DSCC1: variants seen among roughly 807,000 people sequenced by gnomAD.
The protein encoded by DSCC1 is sister chromatid cohesion protein DCC1.
A neutral mutation model predicts 48.2 loss-of-function variants in DSCC1; 32 were observed. The observed-to-expected ratio is 0.66, with a 90% CI of 0.50 to 0.89. The LOEUF (loss-of-function observed/expected upper bound fraction) is 0.89, where lower values mean the gene tolerates loss of function less well. Ranked by LOEUF, DSCC1 falls within the 40% of genes least tolerant of loss-of-function variation. DSCC1 has a pLI of 0.00. For synonymous variants in DSCC1, 150 were observed against 171.5 expected, an observed-to-expected ratio of 0.87 and a Z score of 0.98; for missense variants, 421 against 471.7, an observed-to-expected ratio of 0.89 and a Z score of 1.00.
chr8:119,840,989 A>T (rs138832260), intron 7 of DSCC1, among the ~76,000 whole-genome samples: 2 of 151,538 alleles, frequency 1.3e-5, no homozygotes, highest in Admixed American at 6.6e-5. Flanking sequence ...TTATTTATTT[A>T]TTATTATTAT....
Position 119,847,035 on chromosome 8 carries a change from C to T in DSCC1, c.532G>A (p.Glu178Lys). 1 of 1,613,692 alleles carries T rather than the reference C, an allele frequency of 6.2e-7. No homozygotes were observed. Among genetic ancestry groups the T allele is most frequent in the Non-Finnish European group, 8.5e-7 (1 of 1,180,002 alleles). ...LLDQIQASEE[E>K]IMTQLQVLNA... ...AGAACTTGTAATTGGGTCATTATTT[C>T]TTCCTCACTTGCCTGAATTTGATCA... is the stretch of plus-strand genomic sequence containing the variant. The change falls in exon 4 of 9, where the codon GAA (glutamate) becomes AAA (lysine). Residue 178 changes from glutamate (E) to lysine (K), a missense_variant. Physicochemically the swap from Glu to Lys is moderately conservative, Grantham distance 56. Transcript: ENST00000313655.
intron 6 of DSCC1, 35 bp from the exon 7 acceptor site, chr8:119,841,983 A>G (rs78342094): frequency 1.3e-6 from 2 of 1,596,638 alleles, no homozygotes; most frequent in Middle Eastern, 1.7e-4. Flanking sequence ...TCATATTATC[A>G]TCTTACAATT....
At chr8:119,847,505 G>C (rs1291568310) in intron 3 of DSCC1, among the ~76,000 whole-genome samples, 3 of 152,152 alleles carry the variant, frequency 2.0e-5, no homozygotes, top group East Asian at 3.9e-4. Flanking sequence ...TGAGGGGACA[G>C]GGGAAATGGG....
At chr8:119,849,261 C>G (rs1826910363) in intron 3 of DSCC1, among the ~76,000 whole-genome samples, 1 of 145,748 alleles carries the variant, frequency 6.9e-6, no homozygotes, top group Non-Finnish European at 1.5e-5. Flanking sequence ...ACAAAATTAG[C>G]TGGGCATGGT....
At chr8:119,852,565 G>A (rs1826955719) in intron 2 of DSCC1, among the ~76,000 whole-genome samples, 1 of 152,118 alleles carries the variant, frequency 6.6e-6, no homozygotes, top group Non-Finnish European at 1.5e-5. Flanking sequence ...GTGTTGCCCA[G>A]GCTAGTCTCA....
intron 2 of DSCC1, among the ~76,000 whole-genome samples, chr8:119,851,489 G>A (rs538610103): frequency 6.6e-6 from 1 of 152,266 alleles, no homozygotes; most frequent in South Asian, 2.1e-4. Context: ...CAGATATTGT[G>A]GTATGCTTTT....
intron 3 of DSCC1, among the ~76,000 whole-genome samples, chr8:119,849,840 G>A (rs6983932): frequency 0.67 from 102,251 of 151,996 alleles, 35,348 homozygotes; most frequent in African/African-American, 0.82. Context: ...GTACAAACAT[G>A]GTCTTCATAT....
chr8:119,853,012 C>T (rs1586584446), intron 2 of DSCC1, 35 bp downstream of exon 2: 4 of 1,491,800 alleles, frequency 2.7e-6, no homozygotes, highest in Non-Finnish European at 3.6e-6. Context: ...TTTTCATTCT[C>T]AGACTTTTAT....
At chr8:119,853,237 A>G (rs1245003907) in intron 1 of DSCC1, 22 bp from the exon 2 acceptor site, 2 of 1,592,248 alleles carry the variant, frequency 1.3e-6, no homozygotes, top group African/African-American at 2.7e-5. Flanking sequence ...TGGGGGAAAA[A>G]TATATAGTTT....
intron 8 of DSCC1, among the ~76,000 whole-genome samples, chr8:119,837,885 C>T (rs1826709583): frequency 2.0e-5 from 3 of 152,132 alleles, no homozygotes; most frequent in Non-Finnish European, 4.4e-5. Flanking sequence ...TTGGGGCTAA[C>T]GTGTTCTACT....
Position 119,853,102 on chromosome 8 carries a change from T to C in DSCC1, c.296A>G (p.Lys99Arg). ...TTCCTTCTTCAACTGGTCCGGAGTT[T>C]TACAACCAGGAATGAAAAGCAACAT... ...SNMLLFIPGC[K>R]TPDQLKKEDS... The change falls in exon 2 of 9, where the codon AAA becomes AGA. Residue 99 changes from lysine (K) to arginine (R), a missense_variant. Lys to Arg is a conservative substitution (Grantham distance 26). Transcript: ENST00000313655. 2 of 1,614,042 alleles carry C rather than the reference T, an allele frequency of 1.2e-6. No homozygotes were observed. Among genetic ancestry groups the C allele is most frequent in the Non-Finnish European group, 1.7e-6 (2 of 1,179,946 alleles).
intron 4 of DSCC1, among the ~76,000 whole-genome samples, chr8:119,845,007 A>AT (rs1225200100): frequency 6.6e-6 from 1 of 152,140 alleles, no homozygotes. Context: ...GCTGGGCTTC[A>AT]TAAAGATCCC....
rs1314199768 is a variant in DSCC1, at chr8:119,834,130, G to A, written c.*763C>T. 2 of 151,982 alleles carry A rather than the reference G, an allele frequency of 1.3e-5. No individual in the cohort carries two copies. The highest frequency in any genetic ancestry group is 2.9e-5 in the Non-Finnish European group (2 of 68,002). The allele number at this position is 151,982 out of a possible 1,614,324, so 9.4% of individuals were successfully genotyped here. A position where few individuals can be genotyped will look rare whatever the true frequency, so the allele number is the denominator to read the frequency against. ...TTTGAAACGTGGACCATTTAACCTC[G>A]GCCTACCCCCTCCAACTGTCCTGGT... On this transcript the variant is annotated 3_prime_UTR_variant, in exon 9 of 9. Coordinates refer to ENST00000313655, the MANE Select transcript of DSCC1 (RefSeq NM_024094.3).
intron 8 of DSCC1, 21 bp downstream of exon 8, chr8:119,838,238 C>A (rs772971491): frequency 2.6e-6 from 4 of 1,521,978 alleles, no homozygotes; most frequent in Non-Finnish European, 3.5e-6. Context: ...CCTCAAAATC[C>A]GTCTTTAATA....
At chr8:119,841,087 G>A (rs961606265) in intron 7 of DSCC1, among the ~76,000 whole-genome samples, 2 of 151,684 alleles carry the variant, frequency 1.3e-5, no homozygotes, top group Admixed American at 6.6e-5. Flanking sequence ...CGCCTCCCAG[G>A]TTCAAGCAAT....
Position 119,846,998 on chromosome 8 carries a change from T to C in DSCC1, c.569A>G (p.Lys190Arg), listed in dbSNP as rs763137890. 6.2e-7 allele frequency: 1 copy of C among 1,613,716 alleles called. No individual in the cohort carries two copies. The highest frequency in any genetic ancestry group is 1.7e-5 in the Admixed American group (1 of 60,024). ...GTAGTAAGTAACGCTACCTCCAATC[T>C]TACAGGCATTTAGAACTTGTAATTG... ...MTQLQVLNAC[K>R]IGGYWRILEF... The change falls in exon 4 of 9, where the codon AAG becomes AGG. Residue 190 changes from lysine (K) to arginine (R), a missense_variant. Lys to Arg is a conservative substitution (Grantham distance 26, BLOSUM62 2). Coordinates refer to ENST00000313655, the MANE Select transcript of DSCC1 (RefSeq NM_024094.3).
intron 2 of DSCC1, among the ~76,000 whole-genome samples, chr8:119,850,791 C>A (rs1333164550): frequency 6.6e-6 from 1 of 151,804 alleles, no homozygotes; most frequent in African/African-American, 2.4e-5. Context: ...CTAGAGTATG[C>A]CCAGAAAAAA....
intron 1 of DSCC1, among the ~76,000 whole-genome samples, chr8:119,855,336 ACT>A (rs1484705358): frequency 1.3e-5 from 2 of 152,136 alleles, no homozygotes; most frequent in Admixed American, 6.5e-5. Context: ...ATCACCGGTA[ACT>A]CTTCAAAAAC....
At chr8:119,850,540 C>T (rs773745310) in intron 2 of DSCC1, 24 bp from the exon 3 acceptor site, 2 of 1,527,768 alleles carry the variant, frequency 1.3e-6, no homozygotes, top group Non-Finnish European at 1.7e-6. Context: ...ATATCGTAAC[C>T]TTTTAGGGGC....
Sources: gnomAD v4.1 joint callset for allele counts (sites outside exome capture counted in the v4.1 genomes callset) on GRCh38, gnomAD v4.1.1 for gene constraint, MANE v1.5 for transcripts, NCBI Gene and HGNC (gene_info 2026-07-23, HGNC 2026-07-21) for gene names.